ZHX2: variants seen among roughly 807,000 people sequenced by gnomAD.
ZHX2 encodes the protein zinc fingers and homeoboxes protein 2.
In ZHX2, 6 loss-of-function variants were observed where a neutral mutation model predicts 21.9. The observed-to-expected ratio is 0.27, with a 90% CI of 0.15 to 0.54. ZHX2 has a LOEUF of 0.54. ZHX2 is among the 20% of genes least tolerant of loss of function. The pLI, the probability that ZHX2 is intolerant of heterozygous loss-of-function variation, is 0.95. For missense variants in ZHX2, 908 were observed against 1,090.7 expected, an observed-to-expected ratio of 0.83 and a Z score of 2.36; for synonymous variants, 434 against 437.1, an observed-to-expected ratio of 0.99 and a Z score of 0.09.
intron 1 of ZHX2, among the ~76,000 whole-genome samples, chr8:122,810,239 T>G (rs1817899966): frequency 6.6e-6 from 1 of 152,220 alleles, no homozygotes; most frequent in South Asian, 2.1e-4. Context: ...TAAATGCCCT[T>G]CATCTCTATA....
At chr8:122,864,335 C>T (rs975279060) in intron 2 of ZHX2, among the ~76,000 whole-genome samples, 4 of 151,826 alleles carry the variant, frequency 2.6e-5, no homozygotes, top group Non-Finnish European at 1.5e-5. Context: ...TGTTTGGAAG[C>T]CACCAGATGA....
chr8:122,958,623 CT>C (rs2130326184), intron 3 of ZHX2, among the ~76,000 whole-genome samples: 1 of 152,334 alleles, frequency 6.6e-6, no homozygotes, highest in South Asian at 2.1e-4. Context: ...AAATGAGTAA[CT>C]TGCCTTATGT....
intron 2 of ZHX2, among the ~76,000 whole-genome samples, chr8:122,941,719 G>A (rs969691468): frequency 6.6e-6 from 1 of 151,992 alleles, no homozygotes; most frequent in African/African-American, 2.4e-5. Flanking sequence ...GGGACAGTGT[G>A]TTTCAGCCCA....
chr8:122,921,013 A>C (rs1820725133), intron 2 of ZHX2, among the ~76,000 whole-genome samples: 1 of 152,088 alleles, frequency 6.6e-6, no homozygotes. Flanking sequence ...GCAAGTGGAG[A>C]TAAGAATGTT....
chr8:122,941,780 C>T (rs1384046515), intron 2 of ZHX2, among the ~76,000 whole-genome samples: 3 of 152,152 alleles, frequency 2.0e-5, no homozygotes, highest in South Asian at 4.1e-4. Context: ...CCAAAGGTAG[C>T]AAACAAGGCT....
intron 1 of ZHX2, among the ~76,000 whole-genome samples, chr8:122,829,123 T>G (rs568912151): frequency 7.2e-5 from 11 of 152,284 alleles, no homozygotes; most frequent in African/African-American, 2.4e-4. Context: ...ATATGTGTAG[T>G]GGAATAACAT....
chr8:122,867,967 G>A (rs1819338656), intron 2 of ZHX2, among the ~76,000 whole-genome samples: 1 of 152,120 alleles, frequency 6.6e-6, no homozygotes, highest in South Asian at 2.1e-4. Flanking sequence ...TGATCCTTCA[G>A]TGGGAAATGT....
At chr8:122,808,316 A>G (rs767124383) in intron 1 of ZHX2, among the ~76,000 whole-genome samples, 7 of 152,192 alleles carry the variant, frequency 4.6e-5, no homozygotes, top group Non-Finnish European at 8.8e-5. Context: ...TAAAGGAAAG[A>G]GGTTTAATTG....
chr8:122,882,865 C>T (rs753981342), intron 2 of ZHX2, among the ~76,000 whole-genome samples: 49 of 152,138 alleles, frequency 3.2e-4, no homozygotes, highest in Non-Finnish European at 6.6e-4. Flanking sequence ...ACCTGTAATC[C>T]CAGCTACTCA....
intron 2 of ZHX2, among the ~76,000 whole-genome samples, chr8:122,929,894 TA>T (rs1820942449): frequency 1.3e-5 from 2 of 152,206 alleles, no homozygotes; most frequent in South Asian, 4.1e-4. Context: ...TTCTTGCACC[TA>T]ATGGGGAGCC....
intron 1 of ZHX2, among the ~76,000 whole-genome samples, chr8:122,848,216 G>C (rs893132568): frequency 6.6e-6 from 1 of 152,032 alleles, no homozygotes; most frequent in Non-Finnish European, 1.5e-5. Context: ...TTGCGTCTCT[G>C]TGTGTGTGTG....
In ZHX2 at chr8:122,953,942, G is replaced by A; in HGVS notation, c.2432G>A (p.Trp811Ter). ...EDAISDRSDSWSQAAAEGVSE... is the reference protein window; with the variant it reads ...EDAISDRSDS ...GCGATCTCAGATAGATCAGATAGCT[G>A]GAGTCAGGCTGCGGCAGAAGGTGTG... Residue 811 changes from tryptophan to a stop codon, truncating the protein, a stop_gained, in exon 3 of 4, where the codon TGG becomes TAG. Transcript: ENST00000314393. LOFTEE classifies it low-confidence loss of function (END_TRUNC). The surrounding 1 kb of genome is among the most constrained non-coding windows in gnomAD (Gnocchi z 4.6). The A allele has an allele frequency of 6.2e-7, 1 of 1,614,178 alleles. No individual in the cohort carries two copies.
intron 3 of ZHX2, among the ~76,000 whole-genome samples, chr8:122,972,125 T>C (rs1377093406): frequency 1.3e-5 from 2 of 152,226 alleles, no homozygotes; most frequent in Non-Finnish European, 2.9e-5. Context: ...CTTCCCTCTA[T>C]GCACATCTGT....
At chr8:122,836,494 C>A (rs756987323) in intron 1 of ZHX2, among the ~76,000 whole-genome samples, 2 of 152,258 alleles carry the variant, frequency 1.3e-5, no homozygotes, top group Admixed American at 6.5e-5. Flanking sequence ...GGAGAGCGCG[C>A]GTTCGAACCA....
chr8:122,851,168 G>C (rs976061108), intron 1 of ZHX2, among the ~76,000 whole-genome samples: 3 of 152,198 alleles, frequency 2.0e-5, no homozygotes, highest in African/African-American at 7.2e-5. Flanking sequence ...TTAGGCTGGA[G>C]ATCTATTTTG....
Position 122,943,674 on chromosome 8 carries a change from T to A in ZHX2, c.-219-7618T>A, listed in dbSNP as rs1467312062. On this transcript the variant is annotated intron_variant, in intron 2 of 3. Transcript: ENST00000314393. ...TCTACTTAAAGGAGAAACTTGGAGG[T>A]GGGTGGGAAGGATATCTCTCAGCAG... 3.3e-5 allele frequency among the ~76,000 whole-genome samples: 5 copies of A among 152,164 alleles called. 1 individual carries two copies. The highest frequency in any genetic ancestry group is 7.4e-5 in the Non-Finnish European group (5 of 68,016).
At chr8:122,868,812 A>G (rs559276226) in intron 2 of ZHX2, among the ~76,000 whole-genome samples, 1 of 152,246 alleles carries the variant, frequency 6.6e-6, no homozygotes, top group East Asian at 1.9e-4. Context: ...CTGAGCTACG[A>G]TCACACCACT....
At chr8:122,945,513 A>G (rs569274037) in intron 2 of ZHX2, among the ~76,000 whole-genome samples, 50 of 145,634 alleles carry the variant, frequency 3.4e-4, no homozygotes, top group African/African-American at 1.2e-3. Flanking sequence ...TGGTCTCATT[A>G]TGGTTAGGGT....
chr8:122,892,674 T>C (rs1820010255), intron 2 of ZHX2, among the ~76,000 whole-genome samples: 1 of 152,152 alleles, frequency 6.6e-6, no homozygotes, highest in South Asian at 2.1e-4. Context: ...AAGCATGTCT[T>C]TTTTTATTTT....
Sources: allele counts gnomAD v4.1 joint callset (sites outside exome capture counted in the v4.1 genomes callset), GRCh38; gene constraint gnomAD v4.1.1; non-coding constraint Gnocchi (gnomAD v3.1); transcripts MANE v1.5; gene names NCBI Gene and HGNC (gene_info 2026-07-23, HGNC 2026-07-21).